Variants in PDE4D observed in about 807,000 individuals in gnomAD.
PDE4D encodes the protein 3',5'-cyclic-AMP phosphodiesterase 4D.
A neutral mutation model predicts 87.4 loss-of-function variants in PDE4D; 24 were observed. The ratio of observed to expected loss-of-function variants is 0.27; its 90% CI spans 0.20 to 0.39. PDE4D has a LOEUF of 0.39. PDE4D is among the 10% of genes least tolerant of loss of function. PDE4D has a pLI of 1.00. For synonymous variants in PDE4D, 384 were observed against 383.2 expected, an observed-to-expected ratio of 1.00 and a Z score of -0.02; for missense variants, 714 against 1,041.0, an observed-to-expected ratio of 0.69 and a Z score of 4.32.
intron 5 of PDE4D, among the ~76,000 whole-genome samples, chr5:59,178,891 C>G (rs1490528991): frequency 6.6e-6 from 1 of 152,124 alleles, no homozygotes; most frequent in African/African-American, 2.4e-5. Flanking sequence ...TGAAGACCAG[C>G]TTCCATGTGG....
intron 1 of PDE4D, among the ~76,000 whole-genome samples, chr5:59,636,852 T>C (rs1354619904): frequency 1.3e-5 from 2 of 151,406 alleles, no homozygotes; most frequent in Non-Finnish European, 2.9e-5. Context: ...GGGCAAAGAG[T>C]TCATGACTAA....
intron 1 of PDE4D, among the ~76,000 whole-genome samples, chr5:59,502,479 C>T (rs1198877891): frequency 6.6e-6 from 1 of 151,906 alleles, no homozygotes; most frequent in Non-Finnish European, 1.5e-5. Flanking sequence ...TTCTTCTACC[C>T]AATTAAAACT....
chr5:59,466,067 C>G (rs1188277979), intron 1 of PDE4D, among the ~76,000 whole-genome samples: 2 of 152,066 alleles, frequency 1.3e-5, no homozygotes. Context: ...TATTTTGAAG[C>G]ACAGAAATTA....
At chr5:59,107,923 G>A (rs1031986121) in intron 5 of PDE4D, among the ~76,000 whole-genome samples, 2 of 152,152 alleles carry the variant, frequency 1.3e-5, no homozygotes, top group East Asian at 3.9e-4. Context: ...TCCACATGGA[G>A]AGAGAGAAAA....
At chr5:60,512,905 G>A (rs1253993062) in intron 1 of PDE4D, among the ~76,000 whole-genome samples, 1 of 152,156 alleles carries the variant, frequency 6.6e-6, no homozygotes, top group Non-Finnish European at 1.5e-5. Context: ...ATAATGTCCT[G>A]AGGGGGTTAA....
At chr5:59,796,654 C>T (rs956909433) in intron 1 of PDE4D, among the ~76,000 whole-genome samples, 2 of 152,158 alleles carry the variant, frequency 1.3e-5, no homozygotes, top group African/African-American at 4.8e-5. Context: ...AAAGGCAAGC[C>T]CCCAAAAGTT....
intron 1 of PDE4D, among the ~76,000 whole-genome samples, chr5:59,561,183 G>A (rs1411019509): frequency 3.3e-5 from 5 of 152,144 alleles, no homozygotes; most frequent in African/African-American, 1.2e-4. Context: ...CTGTCATGGT[G>A]AAGGTAGACA....
At chr5:59,526,263 C>T (rs543946290) in intron 1 of PDE4D, among the ~76,000 whole-genome samples, 1 of 152,278 alleles carries the variant, frequency 6.6e-6, no homozygotes, top group South Asian at 2.1e-4. Context: ...TGTCCACTCT[C>T]AATATAAAAC....
chr5:59,033,285 T>G (rs1580422480), intron 6 of PDE4D, among the ~76,000 whole-genome samples: 1 of 152,224 alleles, frequency 6.6e-6, no homozygotes, highest in African/African-American at 2.4e-5. Flanking sequence ...AAAAAAAGTC[T>G]TCTTCAAATG....
intron 1 of PDE4D, among the ~76,000 whole-genome samples, chr5:60,201,856 A>C (rs1174008423): frequency 1.3e-5 from 2 of 152,218 alleles, no homozygotes; most frequent in African/African-American, 2.4e-5. Context: ...CACCAAAGAG[A>C]TACAACTATA....
intron 3 of PDE4D, among the ~76,000 whole-genome samples, chr5:59,975,988 TCTATTTTCTTGCACGTGCC>T (rs1761290756): frequency 6.6e-6 from 1 of 152,166 alleles, no homozygotes; most frequent in Non-Finnish European, 1.5e-5. Context: ...ATTATAGTGG[TCTATTTTCTTGCACGTGCC>T]CTACTTGATT....
rs1401769035 is a variant in PDE4D at position 60,107,048 on chromosome 5, C to CA, written c.42+78508dup. Among the ~76,000 whole-genome samples the CA allele has an allele frequency of 7.5e-3, 1,061 of 141,312 alleles. 5 individuals carry two copies. The highest frequency in any genetic ancestry group is 0.027 in the African/African-American group (1,017 of 38,346). 92.7% of individuals were successfully genotyped at this position (141,312 alleles called of 152,430 possible). On this transcript the variant is annotated intron_variant, in intron 2 of 16. Transcript: ENST00000502484. Reference sequence around the variant, plus strand: ...GGAAATAGAGACACAAAAAACCCTTCAAAAATTAATGAATCCAGGAGCTGG... The same window carrying CA: ...GGAAATAGAGACACAAAAAACCCTTCAAAAAATTAATGAATCCAGGAGCTGG...
intron 1 of PDE4D, among the ~76,000 whole-genome samples, chr5:59,282,412 G>T (rs571095722): frequency 6.6e-6 from 1 of 151,810 alleles, no homozygotes; most frequent in Non-Finnish European, 1.5e-5. Flanking sequence ...AGGCCGAGAC[G>T]GGTGGATCAC....
At chr5:59,362,179 C>T (rs1196004992) in intron 1 of PDE4D, among the ~76,000 whole-genome samples, 5 of 152,092 alleles carry the variant, frequency 3.3e-5, no homozygotes, top group Admixed American at 1.3e-4. Flanking sequence ...GAAAACTGGA[C>T]AAAATTTTAG....
intron 1 of PDE4D, among the ~76,000 whole-genome samples, chr5:60,417,598 G>A (rs1384424097): frequency 1.3e-5 from 2 of 152,184 alleles, no homozygotes; most frequent in Admixed American, 6.5e-5. Flanking sequence ...TTGACAGGAG[G>A]ACATAGAAGA....
intron 1 of PDE4D, among the ~76,000 whole-genome samples, chr5:60,396,770 T>C (rs1187148336): frequency 6.6e-6 from 1 of 152,220 alleles, no homozygotes; most frequent in East Asian, 1.9e-4. Context: ...AGCTTGGCCT[T>C]AGACAACAGG....
intron 2 of PDE4D, among the ~76,000 whole-genome samples, chr5:60,076,004 T>A (rs1773245320): frequency 6.6e-6 from 1 of 152,150 alleles, no homozygotes; most frequent in East Asian, 1.9e-4. Context: ...TGAATTTTAT[T>A]TCTGTCATAT....
intron 1 of PDE4D, among the ~76,000 whole-genome samples, chr5:60,209,583 A>T (rs1742953737): frequency 6.6e-6 from 1 of 152,224 alleles, no homozygotes; most frequent in Non-Finnish European, 1.5e-5. Context: ...CAATTTTTGC[A>T]ACATCATTCT....
At chr5:59,993,124 CT>C (rs1371879842) in intron 2 of PDE4D, among the ~76,000 whole-genome samples, 2 of 152,146 alleles carry the variant, frequency 1.3e-5, no homozygotes, top group Non-Finnish European at 2.9e-5. Flanking sequence ...CATTCAAACC[CT>C]CTGCATTAGA....
Sources: allele counts gnomAD v4.1 joint callset (sites outside exome capture counted in the v4.1 genomes callset), GRCh38; gene constraint gnomAD v4.1.1; transcripts MANE v1.5; gene names NCBI Gene and HGNC (gene_info 2026-07-23, HGNC 2026-07-21).